EXT1: variants seen among roughly 807,000 people sequenced by gnomAD.
EXT1 encodes the protein exostosin-1.
A neutral mutation model predicts 82.5 loss-of-function variants in EXT1; 20 were observed. That is an observed-to-expected ratio of 0.24 (90% CI 0.17 to 0.35). EXT1 has a LOEUF of 0.35. Ranked by LOEUF, EXT1 falls within the 10% of genes least tolerant of loss-of-function variation. The pLI is 1.00. For synonymous variants in EXT1, 348 were observed against 350.8 expected, an observed-to-expected ratio of 0.99 and a Z score of 0.09; for missense variants, 757 against 936.5, an observed-to-expected ratio of 0.81 and a Z score of 2.50.
intron 1 of EXT1, among the ~76,000 whole-genome samples, chr8:117,949,535 C>T (rs1297767942): frequency 2.0e-5 from 3 of 148,714 alleles, no homozygotes; most frequent in East Asian, 2.0e-4. Flanking sequence ...AATATATATA[C>T]GTATTATATA....
chr8:117,833,279 G>A (rs1309729013), intron 3 of EXT1, among the ~76,000 whole-genome samples: 1 of 152,154 alleles, frequency 6.6e-6, no homozygotes, highest in Non-Finnish European at 1.5e-5. Flanking sequence ...CCAAAAAGTT[G>A]CTTCAGAAGG....
At chr8:118,074,871 T>A (rs1817176834) in intron 1 of EXT1, among the ~76,000 whole-genome samples, 1 of 152,184 alleles carries the variant, frequency 6.6e-6, no homozygotes, top group African/African-American at 2.4e-5. Flanking sequence ...CAGCTTGCTC[T>A]GGGCAAATTG....
At position 117,890,940 on chromosome 8, in the gene EXT1, C is replaced by G. The variant is rs150019479; in HGVS notation, c.963-53739G>C. 7.5e-3 allele frequency among the ~76,000 whole-genome samples: 1,136 copies of G among 152,286 alleles called. 20 individuals are homozygous for G. The highest frequency in any genetic ancestry group is 0.042 in the Admixed American group (646 of 15,298). Reference sequence around the variant, plus strand: ...TTATTTTCTCCTCTTTTACCCACAGCTCTCCTTCCTCCTTCCTCCAAACTA... The same window carrying G: ...TTATTTTCTCCTCTTTTACCCACAGGTCTCCTTCCTCCTTCCTCCAAACTA... On this transcript the variant is annotated intron_variant, in intron 1 of 10. Coordinates refer to ENST00000378204, the MANE Select transcript of EXT1 (RefSeq NM_000127.3).
intron 1 of EXT1, among the ~76,000 whole-genome samples, chr8:117,997,804 T>C (rs538228212): frequency 6.6e-6 from 1 of 152,268 alleles, no homozygotes; most frequent in Admixed American, 6.5e-5. Flanking sequence ...ATGGTTTTAA[T>C]ACAAAGCTGT....
intron 1 of EXT1, among the ~76,000 whole-genome samples, chr8:117,852,506 G>T (rs1238288655): frequency 6.6e-6 from 1 of 152,150 alleles, no homozygotes; most frequent in Non-Finnish European, 1.5e-5. Context: ...ATCTCAGCCA[G>T]GACCACCAAT....
intron 1 of EXT1, among the ~76,000 whole-genome samples, chr8:118,085,717 C>T (rs115182315): frequency 8.7e-5 from 13 of 148,846 alleles, no homozygotes; most frequent in South Asian, 2.1e-4. Context: ...GTGTGTGTGA[C>T]GGAGGCAAAA....
Position 118,073,614 on chromosome 8 carries a change from GGAAGAGAAGAGAAGAGAAA to G in EXT1, c.962+36452_962+36470del, listed in dbSNP as rs1466719061. ...CAGCCTGGGCTACAGAGAGAGGAAAGGAAGAGAAGAGAAGAGAAAGAAGAGAAGAGAAGAGAAGAGAAGA... is the reference window on the plus strand; with the variant it reads ...CAGCCTGGGCTACAGAGAGAGGAAAGGAAGAGAAGAGAAGAGAAGAGAAGA... On this transcript the variant is annotated intron_variant, in intron 1 of 10. Coordinates refer to ENST00000378204, the MANE Select transcript of EXT1 (RefSeq NM_000127.3). Among the ~76,000 whole-genome samples, 156 of 139,976 alleles carry G rather than the reference GGAAGAGAAGAGAAGAGAAA, an allele frequency of 1.1e-3. 2 individuals are homozygous for G. Among genetic ancestry groups the G allele is most frequent in the African/African-American group, 3.8e-3 (136 of 35,508 alleles). 91.8% of individuals were successfully genotyped at this position (139,976 alleles called of 152,430 possible).
chr8:118,104,068 C>T (rs1166405518), intron 1 of EXT1, among the ~76,000 whole-genome samples: 2 of 152,100 alleles, frequency 1.3e-5, no homozygotes, highest in Non-Finnish European at 2.9e-5. Context: ...AGGTAGGAAC[C>T]CTGCCATTTT....
At chr8:117,800,762 G>T (rs1742539622) in intron 10 of EXT1, among the ~76,000 whole-genome samples, 1 of 152,120 alleles carries the variant, frequency 6.6e-6, no homozygotes, top group African/African-American at 2.4e-5. Context: ...TAGAAAAGAT[G>T]GCTACCATGT....
intron 1 of EXT1, among the ~76,000 whole-genome samples, chr8:118,040,338 T>C (rs1031988256): frequency 6.6e-6 from 1 of 152,232 alleles, no homozygotes; most frequent in Non-Finnish European, 1.5e-5. Context: ...TTTGGTTACC[T>C]GGGAGATGGG....
chr8:117,863,502 A>G (rs1812722566), intron 1 of EXT1, among the ~76,000 whole-genome samples: 1 of 150,656 alleles, frequency 6.6e-6, no homozygotes, highest in South Asian at 2.1e-4. Flanking sequence ...CGGGCCAAAT[A>G]AGAAATCCAC....
At chr8:118,001,988 A>T (rs1387793263) in intron 1 of EXT1, among the ~76,000 whole-genome samples, 4 of 152,214 alleles carry the variant, frequency 2.6e-5, no homozygotes, top group African/African-American at 4.8e-5. Flanking sequence ...TTATCAAAAG[A>T]AATTAAACCA....
intron 1 of EXT1, among the ~76,000 whole-genome samples, chr8:117,946,798 A>C (rs1021457405): frequency 4.0e-5 from 6 of 149,362 alleles, no homozygotes; most frequent in African/African-American, 1.5e-4. Flanking sequence ...CACCGTTCGG[A>C]GGGATTTTCC....
chr8:117,856,479 G>C (rs1416194056), intron 1 of EXT1, among the ~76,000 whole-genome samples: 1 of 144,782 alleles, frequency 6.9e-6, no homozygotes, highest in Admixed American at 7.0e-5. Context: ...TGTTAGCCAG[G>C]ATGGTCTCGA....
At chr8:117,852,670 C>A (rs1812475180) in intron 1 of EXT1, among the ~76,000 whole-genome samples, 1 of 152,078 alleles carries the variant, frequency 6.6e-6, no homozygotes, top group Admixed American at 6.6e-5. Flanking sequence ...TCTTTAAGCC[C>A]ATATGGACAA....
In EXT1 at chr8:118,012,961, G is replaced by A. The variant is rs111833681; in HGVS notation, c.962+97124C>T. On this transcript the variant is annotated intron_variant, in intron 1 of 10. Transcript: ENST00000378204. ...GCAACTAACTGGCTCTCACTCCTTCGTCTCTAAAATTAAGCAAATGAAAAC... is the reference window on the plus strand; with the variant it reads ...GCAACTAACTGGCTCTCACTCCTTCATCTCTAAAATTAAGCAAATGAAAAC... Among the ~76,000 whole-genome samples, 189 of 152,128 alleles carry A rather than the reference G, an allele frequency of 1.2e-3. 1 individual carries two copies. Among genetic ancestry groups the A allele is most frequent in the African/African-American group, 4.4e-3 (184 of 41,504 alleles).
rs185254932 is a variant in EXT1, at chr8:118,028,488, T to C, written c.962+81597A>G. On this transcript the variant is annotated intron_variant, in intron 1 of 10. Coordinates refer to ENST00000378204, the MANE Select transcript of EXT1 (RefSeq NM_000127.3). The stretch of plus-strand genomic sequence containing the variant: ...TCTGATAGCCTGGTAGTTTCTAATT[T>C]TTCCAAATGAAATAAGATATACATA... 1.2e-4 allele frequency among the ~76,000 whole-genome samples: 19 copies of C among 152,168 alleles called. No individual in the cohort carries two copies. In the East Asian group the frequency reaches 3.5e-3, roughly 28 times the overall value.
intron 1 of EXT1, among the ~76,000 whole-genome samples, chr8:117,853,476 A>G (rs1483009434): frequency 6.6e-6 from 1 of 152,194 alleles, no homozygotes; most frequent in African/African-American, 2.4e-5. Flanking sequence ...CTGGATGGAT[A>G]AACACTTTCA....
At chr8:118,097,990 G>A (rs957583887) in intron 1 of EXT1, among the ~76,000 whole-genome samples, 10 of 152,166 alleles carry the variant, frequency 6.6e-5, no homozygotes, top group African/African-American at 2.4e-4. Flanking sequence ...CCAGAAAGTG[G>A]AAAGGAGGTG....
Sources: allele counts gnomAD v4.1 joint callset (sites outside exome capture counted in the v4.1 genomes callset), GRCh38; gene constraint gnomAD v4.1.1; transcripts MANE v1.5; gene names NCBI Gene and HGNC (gene_info 2026-07-23, HGNC 2026-07-21).